HS6ST3: variants seen among roughly 807,000 people sequenced by gnomAD.
The protein encoded by HS6ST3 is heparan sulfate 6-O-sulfotransferase 3.
HS6ST3 carries 12 observed loss-of-function variants against 36.7 expected under a neutral mutation model. The ratio of observed to expected loss-of-function variants is 0.33; its 90% CI spans 0.21 to 0.53. The LOEUF (loss-of-function observed/expected upper bound fraction) is 0.53. Among genes scored for constraint, HS6ST3 ranks in the 20% least tolerant of loss-of-function variants. HS6ST3 has a pLI of 0.95. For synonymous variants in HS6ST3, 240 were observed against 257.5 expected (o/e 0.93, Z 0.65); for missense variants, 584 against 640.9 (o/e 0.91, Z 0.96).
intron 1 of HS6ST3, among the ~76,000 whole-genome samples, chr13:96,354,924 C>G (rs2055202182): frequency 6.6e-6 from 1 of 152,142 alleles, no homozygotes. Context: ...ATTTCCCCAA[C>G]TACCTAAATT....
At chr13:96,549,883 C>G (rs1321412644) in intron 1 of HS6ST3, among the ~76,000 whole-genome samples, 1 of 152,104 alleles carries the variant, frequency 6.6e-6, no homozygotes, top group Non-Finnish European at 1.5e-5. Flanking sequence ...TCTGAAATAT[C>G]TTCTCTGACT....
At chr13:96,233,116 A>G (rs1412387797) in intron 1 of HS6ST3, among the ~76,000 whole-genome samples, 5 of 152,338 alleles carry the variant, frequency 3.3e-5, no homozygotes, top group Admixed American at 2.6e-4. Flanking sequence ...TGTGTAAATA[A>G]TATGTTTTTC....
intron 1 of HS6ST3, among the ~76,000 whole-genome samples, chr13:96,259,318 G>A (rs780671307): frequency 3.3e-5 from 5 of 152,100 alleles, no homozygotes; most frequent in African/African-American, 4.8e-5. Flanking sequence ...AACCTGTGGA[G>A]GATTTTATGC....
chr13:96,576,596 T>C (rs1393616451), intron 1 of HS6ST3, among the ~76,000 whole-genome samples: 2 of 152,198 alleles, frequency 1.3e-5, no homozygotes, highest in African/African-American at 4.8e-5. Flanking sequence ...CTTAGTGATA[T>C]TGGCCACGCA....
At chr13:96,436,372 A>G (rs2055642419) in intron 1 of HS6ST3, among the ~76,000 whole-genome samples, 1 of 152,212 alleles carries the variant, frequency 6.6e-6, no homozygotes, top group Non-Finnish European at 1.5e-5. Flanking sequence ...GTTGAATTTC[A>G]TATTCACAAA....
intron 1 of HS6ST3, among the ~76,000 whole-genome samples, chr13:96,710,652 C>G (rs1170870509): frequency 6.6e-6 from 1 of 152,252 alleles, no homozygotes; most frequent in East Asian, 1.9e-4. Context: ...CCCCAGTGCA[C>G]AGGCCTGGAT....
intron 1 of HS6ST3, among the ~76,000 whole-genome samples, chr13:96,781,030 C>A (rs7324153): frequency 0.28 from 42,719 of 151,588 alleles, 6,231 homozygotes; most frequent in Admixed American, 0.32. Flanking sequence ...GGAAACTGAG[C>A]CTAGAACAGT....
intron 1 of HS6ST3, among the ~76,000 whole-genome samples, chr13:96,780,568 A>G (rs1241984494): frequency 6.6e-6 from 1 of 152,182 alleles, no homozygotes; most frequent in Admixed American, 6.5e-5. Context: ...TCCACTCTCC[A>G]GACAACTGCA....
chr13:96,724,676 G>T (rs1254583845), intron 1 of HS6ST3, among the ~76,000 whole-genome samples: 5 of 152,082 alleles, frequency 3.3e-5, no homozygotes, highest in Non-Finnish European at 7.4e-5. Context: ...AGCATAGTTT[G>T]AGATTCATCT....
At chr13:96,500,125 T>C (rs935660924) in intron 1 of HS6ST3, among the ~76,000 whole-genome samples, 8 of 152,148 alleles carry the variant, frequency 5.3e-5, no homozygotes, top group African/African-American at 1.9e-4. Context: ...CCGATCGACT[T>C]TCTGCCTCTG....
intron 1 of HS6ST3, among the ~76,000 whole-genome samples, chr13:96,294,248 A>G (rs905903986): frequency 9.9e-5 from 15 of 152,160 alleles, no homozygotes; most frequent in African/African-American, 3.6e-4. Flanking sequence ...TGTTACCAAT[A>G]CAACATTTAG....
chr13:96,742,463 G>A (rs187695386), intron 1 of HS6ST3, among the ~76,000 whole-genome samples: 6 of 152,058 alleles, frequency 3.9e-5, no homozygotes, highest in Non-Finnish European at 5.9e-5. Flanking sequence ...AGACACAGAC[G>A]ATTGAAAGTG....
Position 96,484,415 on chromosome 13 carries a change from G to A in HS6ST3, c.708-348075G>A, listed in dbSNP as rs143704349. Among the ~76,000 whole-genome samples, 308 of 152,072 alleles carry A rather than the reference G, an allele frequency of 2.0e-3. 1 individual carries two copies. Among genetic ancestry groups the A allele is most frequent in the African/African-American group, 6.7e-3 (276 of 41,478 alleles). ...AATTTCAAGTATATAATGCAGTATT[G>A]TTAACTATATTCACTATGCAGTACA... On this transcript the variant is annotated intron_variant, in intron 1 of 1. Transcript: ENST00000376705.
intron 1 of HS6ST3, among the ~76,000 whole-genome samples, chr13:96,693,447 GGCAT>G (rs1321056157): frequency 1.1e-4 from 17 of 152,172 alleles, no homozygotes; most frequent in Middle Eastern, 3.4e-3. Context: ...TGGGATTATA[GGCAT>G]GCACCACCAC....
At chr13:96,465,677 C>A (rs1257004423) in intron 1 of HS6ST3, among the ~76,000 whole-genome samples, 1 of 152,118 alleles carries the variant, frequency 6.6e-6, no homozygotes, top group East Asian at 1.9e-4. Flanking sequence ...AGGTAAAGTA[C>A]AATTTTCTGC....
At chr13:96,599,585 A>G (rs559549877) in intron 1 of HS6ST3, among the ~76,000 whole-genome samples, 1 of 151,052 alleles carries the variant, frequency 6.6e-6, no homozygotes, top group Non-Finnish European at 1.5e-5. Context: ...CAAATAATCA[A>G]CTTTTTGTTT....
chr13:96,476,201 T>G (rs879611449), intron 1 of HS6ST3, among the ~76,000 whole-genome samples: 6 of 151,264 alleles, frequency 4.0e-5, no homozygotes, highest in Admixed American at 6.6e-5. Context: ...TTTGCTGGAG[T>G]CTTAACACTC....
At chr13:96,105,859 C>T (rs1245727746) in intron 1 of HS6ST3, among the ~76,000 whole-genome samples, 1 of 152,094 alleles carries the variant, frequency 6.6e-6, no homozygotes, top group Non-Finnish European at 1.5e-5. Context: ...AGAATGAAAT[C>T]ATCATTATGT....
chr13:96,228,349 C>T (rs2054491304), intron 1 of HS6ST3, among the ~76,000 whole-genome samples: 3 of 152,192 alleles, frequency 2.0e-5, no homozygotes, highest in Admixed American at 6.5e-5. Flanking sequence ...ACCTCTGCCA[C>T]CTGTGTTCAA....
Sources: gnomAD v4.1 joint callset for allele counts (sites outside exome capture counted in the v4.1 genomes callset) on GRCh38, gnomAD v4.1.1 for gene constraint, MANE v1.5 for transcripts, NCBI Gene and HGNC (gene_info 2026-07-23, HGNC 2026-07-21) for gene names.